The following ATG4D variants were observed in gnomAD, a reference collection of about 807,000 sequenced individuals.
The protein encoded by ATG4D is cysteine protease ATG4D.
Under a neutral mutation model 55.2 loss-of-function variants are expected in ATG4D, and 51 were observed. The observed-to-expected ratio is 0.92, with a 90% CI of 0.74 to 1.17. ATG4D has a LOEUF of 1.17. ATG4D is among the 50% of genes most tolerant of loss of function. The pLI, the probability that ATG4D is intolerant of heterozygous loss-of-function variation, is 0.00. For missense variants in ATG4D, 635 were observed against 649.6 expected (o/e 0.98, Z 0.25); for synonymous variants, 268 against 266.2 (o/e 1.01, Z -0.07).
At chr19:10,545,224 C>A in intron 3 of ATG4D, 94 bp downstream of exon 3, 2 of 1,476,926 alleles carry the variant, frequency 1.4e-6, no homozygotes, top group South Asian at 2.5e-5. Context: ...AGTTCAAAGT[C>A]ACGTTAGAAT....
At position 10,544,966 on chromosome 19, in the gene ATG4D, A is replaced by G; in HGVS notation, c.329A>G (p.Gln110Arg). 6.3e-7 allele frequency: 1 copy of G among 1,590,328 alleles called. No individual in the cohort carries two copies. The highest frequency in any genetic ancestry group is 1.7e-4 in the Middle Eastern group (1 of 5,940). Reference protein sequence around the residue: ...RYRFEGEGDIQRFQRDFVSRL... With the variant: ...RYRFEGEGDIRRFQRDFVSRL... ...AGACCCGCTCTTGTAGGTGACATAC[A>G]GCGTTTCCAGCGGGACTTTGTGTCC... Residue 110 changes from glutamine (Q) to arginine (R), a missense_variant, in exon 3 of 10, where the codon CAG (glutamine) becomes CGG (arginine). Physicochemically the swap from Gln to Arg is conservative, Grantham distance 43 (BLOSUM62 1). Transcript: ENST00000309469.
Position 10,548,946 on chromosome 19 carries a change from C to T in ATG4D, c.878C>T (p.Pro293Leu), listed in dbSNP as rs781108253. The T allele has an allele frequency of 1.2e-6, 2 of 1,614,048 alleles. No individual in the cohort carries two copies. Among genetic ancestry groups the T allele is most frequent in the East Asian group, 2.2e-5 (1 of 44,870 alleles). ...GCACGCCTGGTGGCCAGGCCAGACCCCACAGCCGAGTGGAAGTCTGTGGTC... is the reference window on the plus strand; with the variant it reads ...GCACGCCTGGTGGCCAGGCCAGACCTCACAGCCGAGTGGAAGTCTGTGGTC... ...DVARLVARPD[P>L]TAEWKSVVIL... The change falls in exon 6 of 10, where the codon CCC becomes CTC. Residue 293 changes from proline to leucine, a missense_variant. Physicochemically the swap from Pro to Leu is moderately conservative, Grantham distance 98 (BLOSUM62 -3). Transcript: ENST00000309469.
intron 5 of ATG4D, 51 bp from the exon 6 acceptor site, chr19:10,548,853 G>A (rs754823134): frequency 3.1e-6 from 5 of 1,596,778 alleles, no homozygotes; most frequent in Non-Finnish European, 2.6e-6. Flanking sequence ...GGGCTACGCT[G>A]GGGCTTGAAG....
At chr19:10,544,396 G>T in intron 1 of ATG4D, 71 bp downstream of exon 1, 1 of 1,232,910 alleles carries the variant, frequency 8.1e-7, no homozygotes. Context: ...GGTCCTGCCA[G>T]TTATCCCACC....
chr19:10,553,110 T>A lies in ATG4D; in HGVS notation c.*43T>A, dbSNP rs1018209265. 5 of 1,539,046 alleles carry A rather than the reference T, an allele frequency of 3.2e-6. No individual in the cohort carries two copies. The highest frequency in any genetic ancestry group is 4.4e-6 in the Non-Finnish European group (5 of 1,144,356). ...AAAGATACAACACTATTTATTTTTT[T>A]ATTTATGTCATGTCGGGTGTGGGAT... On this transcript the variant is annotated 3_prime_UTR_variant, in exon 10 of 10. Transcript: ENST00000309469.
At position 10,547,113 on chromosome 19, in the gene ATG4D, C is replaced by T; in HGVS notation, c.768C>T (p.Leu256=). 6.2e-7 allele frequency: 1 copy of T among 1,605,528 alleles called. No homozygotes were observed. The highest frequency in any genetic ancestry group is 8.5e-7 in the Non-Finnish European group (1 of 1,175,856). Residue 256 remains leucine, a splice_region_variant and synonymous_variant, in exon 4 of 10, where the codon CTC becomes CTT. Transcript: ENST00000309469. Reference sequence around the variant, plus strand: ...GGCCATCGCTAGTGGCACACATCCTCAGGTGAGGGCTGCTGCAGGGATCAC... The same window carrying T: ...GGCCATCGCTAGTGGCACACATCCTTAGGTGAGGGCTGCTGCAGGGATCAC... ...WYGPSLVAHI[L]RKAVESCSDV...
In ATG4D at chr19:10,544,765, G is replaced by A; in HGVS notation, c.236-18G>A. On this transcript the variant is annotated intron_variant, in intron 1 of 9. Transcript: ENST00000309469. The stretch of plus-strand genomic sequence containing the variant: ...CAAGTGCTTCATCTCGCTGGGCGCT[G>A]CCCCTACGTCTCCCCAGGTTGGGTG... 1 of 1,613,656 alleles carries A rather than the reference G, an allele frequency of 6.2e-7. No individual in the cohort carries two copies. Among genetic ancestry groups the A allele is most frequent in the South Asian group, 1.1e-5 (1 of 91,036 alleles).
intron 6 of ATG4D, among the ~76,000 whole-genome samples, chr19:10,550,633 G>C (rs1035728441): frequency 6.6e-6 from 1 of 151,026 alleles, no homozygotes; most frequent in African/African-American, 2.4e-5. Flanking sequence ...ACCTATTTCA[G>C]ACACTCCCAC....
intron 1 of ATG4D, 106 bp from the exon 2 acceptor site, chr19:10,544,677 A>C: frequency 6.5e-7 from 1 of 1,542,228 alleles, no homozygotes; most frequent in South Asian, 1.2e-5. Context: ...GCCACCCCGG[A>C]GATAGGAACT....
chr19:10,552,773 G>C, intron 9 of ATG4D, 112 bp from the exon 10 acceptor site: 2 of 1,156,840 alleles, frequency 1.7e-6, no homozygotes, highest in Admixed American at 2.3e-5. Context: ...GGTGCTGATT[G>C]GCTGCTCTCT....
chr19:10,544,584 G>T, intron 1 of ATG4D, 199 bp from the exon 2 acceptor site: 1 of 1,177,948 alleles, frequency 8.5e-7, no homozygotes. Context: ...ACAATAATCA[G>T]AACTACCTTC....
chr19:10,552,060 A>G lies in ATG4D; in HGVS notation c.1061A>G (p.Tyr354Cys). 1 of 1,593,818 alleles carries G rather than the reference A, an allele frequency of 6.3e-7. No homozygotes were observed. The highest frequency in any genetic ancestry group is 8.5e-7 in the Non-Finnish European group (1 of 1,170,652). The change falls in exon 8 of 10, where the codon TAC (tyrosine) becomes TGC (cysteine). Residue 354 changes from tyrosine (Y) to cysteine (C), a missense_variant. Tyr to Cys is a radical substitution (Grantham distance 194). Transcript: ENST00000309469. ...CCCCCTGCAGATGACTTCCTGCTGT[A>G]CCTGGACCCTCACTACTGCCAGCCC... ...FIGYQDDFLL[Y>C]LDPHYCQPTV...
chr19:10,544,462 C>T (rs1006705282), intron 1 of ATG4D, 137 bp downstream of exon 1: 6 of 928,148 alleles, frequency 6.5e-6, no homozygotes, highest in Non-Finnish European at 8.9e-6. Flanking sequence ...CCAGGGTGGA[C>T]CTGTGGCAGG....
chr19:10,548,085 C>T (rs1916106068), intron 5 of ATG4D, among the ~76,000 whole-genome samples: 2 of 117,476 alleles, frequency 1.7e-5, no homozygotes, highest in South Asian at 6.0e-4. Context: ...GGCTGGAGTG[C>T]AGTGGCACAG....
chr19:10,551,795 A>T (rs1042605778), intron 6 of ATG4D, 102 bp from the exon 7 acceptor site: 1 of 1,064,292 alleles, frequency 9.4e-7, no homozygotes, highest in African/African-American at 1.6e-5. Flanking sequence ...TGTGGTCTTG[A>T]TCACTGCTGC....
intron 1 of ATG4D, among the ~76,000 whole-genome samples, 156 bp downstream of exon 1, chr19:10,544,481 T>A (rs565387674): frequency 6.6e-6 from 1 of 152,050 alleles, no homozygotes; most frequent in Non-Finnish European, 1.5e-5. Flanking sequence ...GGTCCAATAG[T>A]GTTTTCAAGC....
chr19:10,552,106 C>G lies in ATG4D; in HGVS notation c.1107C>G (p.Ala369=). ...YCQPTVDVSQ[A]DFPLESFHCT... Reference sequence around the variant, plus strand: ...AGCCCACTGTGGATGTCAGCCAGGCCGACTTCCCCCTGGAGGTGAGTGGGA... The same window carrying G: ...AGCCCACTGTGGATGTCAGCCAGGCGGACTTCCCCCTGGAGGTGAGTGGGA... The change falls in exon 8 of 10, where the codon GCC becomes GCG. Residue 369 remains alanine (A), a synonymous_variant. Transcript: ENST00000309469. The G allele has an allele frequency of 6.2e-7, 1 of 1,611,676 alleles. No individual in the cohort carries two copies. Among genetic ancestry groups the G allele is most frequent in the Non-Finnish European group, 8.5e-7 (1 of 1,179,988 alleles).
At position 10,553,366 on chromosome 19, in the gene ATG4D, G is replaced by GC. The variant is rs144460885; in HGVS notation, c.*304dup. On this transcript the variant is annotated 3_prime_UTR_variant, in exon 10 of 10. Transcript: ENST00000309469. Reference sequence around the variant, plus strand: ...ACGCCCGGGCCCTCCCTGTCCCAAAGCCCCCTTGGGGGAACTGTGGCTGCT... The same window carrying GC: ...ACGCCCGGGCCCTCCCTGTCCCAAAGCCCCCCTTGGGGGAACTGTGGCTGCT... 1.2e-3 allele frequency: 390 copies of GC among 314,520 alleles called. 2 individuals are homozygous for GC. The highest frequency in any genetic ancestry group is 7.6e-3 in the African/African-American group (367 of 48,020). 19.5% of individuals were successfully genotyped at this position (314,520 alleles called of 1,614,324 possible). A position where few individuals can be genotyped will look rare whatever the true frequency, so the allele number is the denominator to read the frequency against.
Position 10,552,976 on chromosome 19 carries a change from C to T in ATG4D, c.1334C>T (p.Ser445Phe). 2 of 1,613,594 alleles carry T rather than the reference C, an allele frequency of 1.2e-6. No individual in the cohort carries two copies. Among genetic ancestry groups the T allele is most frequent in the South Asian group, 1.1e-5 (1 of 91,088 alleles). ...AQDHSLDDLC[S>F]QLAQPTLRLP... ...GACCACAGCCTGGACGACCTCTGCT[C>T]CCAGCTCGCCCAGCCCACACTCCGG... Residue 445 changes from serine (S) to phenylalanine (F), a missense_variant, in exon 10 of 10, where the codon TCC (serine) becomes TTC (phenylalanine). Transcript: ENST00000309469.
Sources: gnomAD v4.1 joint callset for allele counts (sites outside exome capture counted in the v4.1 genomes callset) on GRCh38, gnomAD v4.1.1 for gene constraint, MANE v1.5 for transcripts, NCBI Gene and HGNC (gene_info 2026-07-23, HGNC 2026-07-21) for gene names.